ANKRD22: variants seen among roughly 807,000 people sequenced by gnomAD.
The protein encoded by ANKRD22 is ankyrin repeat domain 22.
ANKRD22 carries 24 observed loss-of-function variants against 25.7 expected under a neutral mutation model. The ratio of observed to expected loss-of-function variants is 0.93; its 90% CI spans 0.68 to 1.31. The LOEUF (loss-of-function observed/expected upper bound fraction) is 1.31. ANKRD22 is among the 50% of genes most tolerant of loss of function. The pLI is 0.00. For synonymous variants in ANKRD22, 84 were observed against 84.3 expected, an observed-to-expected ratio of 1.00 and a Z score of 0.02; for missense variants, 214 against 227.1, an observed-to-expected ratio of 0.94 and a Z score of 0.37.
At chr10:88,844,222 T>G (rs1051055263) in intron 1 of ANKRD22, among the ~76,000 whole-genome samples, 2 of 152,130 alleles carry the variant, frequency 1.3e-5, no homozygotes, top group African/African-American at 4.8e-5. Flanking sequence ...GTTCTAGGAA[T>G]AGCAGGAAGG....
At chr10:88,836,622 C>A (rs1843956283) in intron 1 of ANKRD22, among the ~76,000 whole-genome samples, 1 of 152,142 alleles carries the variant, frequency 6.6e-6, no homozygotes, top group African/African-American at 2.4e-5. Flanking sequence ...TTCAAAATGT[C>A]TTCTGGCTAC....
At position 88,826,087 on chromosome 10, in the gene ANKRD22, A is replaced by G. The variant is rs1406754759; in HGVS notation, c.350T>C (p.Leu117Pro). The change falls in exon 4 of 6, where the codon CTT becomes CCT. Residue 117 changes from leucine to proline, a missense_variant. Leu to Pro is a moderately conservative substitution (Grantham distance 98). Transcript: ENST00000371930. ...GCCAGCATCAAGTAGCATTCGTACAAGAGCCTCATTCTGCTTTGTCTTTGA... is the reference window on the plus strand; with the variant it reads ...GCCAGCATCAAGTAGCATTCGTACAGGAGCCTCATTCTGCTTTGTCTTTGA... ...MVSKTKQNEA[L>P]VRMLLDAGVE... 2 of 1,613,134 alleles carry G rather than the reference A, an allele frequency of 1.2e-6. No homozygotes were observed. Among genetic ancestry groups the G allele is most frequent in the South Asian group, 1.1e-5 (1 of 90,980 alleles).
chr10:88,849,448 T>G (rs1685817384), intron 1 of ANKRD22, among the ~76,000 whole-genome samples: 1 of 152,056 alleles, frequency 6.6e-6, no homozygotes, highest in African/African-American at 2.4e-5. Context: ...GTAGAAAAAT[T>G]TAGTAGTTCA....
At chr10:88,823,540 A>AT (rs1185746051) in intron 4 of ANKRD22, 162 bp from the exon 5 acceptor site, 54 of 613,392 alleles carry the variant, frequency 8.8e-5, no homozygotes, top group Non-Finnish European at 5.3e-5. Context: ...TACTTAAAAA[A>AT]TTTTTCGCCG....
chr10:88,822,889 T>C lies in ANKRD22; in HGVS notation c.*52A>G, dbSNP rs372162809. On this transcript the variant is annotated 3_prime_UTR_variant, in exon 6 of 6. Coordinates refer to ENST00000371930, the MANE Select transcript of ANKRD22 (RefSeq NM_144590.3). ...ACAGACCAAAAGTCTAAAATGAAGATAGAATCCAGTCGTTAACTTTTTCTG... is the reference window on the plus strand; with the variant it reads ...ACAGACCAAAAGTCTAAAATGAAGACAGAATCCAGTCGTTAACTTTTTCTG... The C allele has an allele frequency of 4.7e-5, 72 of 1,517,766 alleles. No homozygotes were observed. The African/African-American group carries it at 9.5e-4, about 20-fold the overall frequency. The allele number at this position is 1,517,766 out of a possible 1,614,324, so 94.0% of individuals were successfully genotyped here. A position where few individuals can be genotyped will look rare whatever the true frequency, so the allele number is the denominator to read the frequency against.
chr10:88,823,161 G>A, intron 5 of ANKRD22, 119 bp downstream of exon 5: 1 of 1,232,762 alleles, frequency 8.1e-7, no homozygotes, highest in Non-Finnish European at 1.2e-6. Context: ...ATTCCTTAAT[G>A]AGGATGATTA....
At chr10:88,836,925 A>G (rs533359255) in intron 1 of ANKRD22, among the ~76,000 whole-genome samples, 2 of 152,354 alleles carry the variant, frequency 1.3e-5, no homozygotes, top group African/African-American at 4.8e-5. Context: ...GCCAATTTTC[A>G]TACAGTGATG....
chr10:88,847,765 TAAA>T (rs199918993), intron 1 of ANKRD22, among the ~76,000 whole-genome samples: 1 of 148,524 alleles, frequency 6.7e-6, no homozygotes, highest in Non-Finnish European at 1.5e-5. Flanking sequence ...AAAAACAAAA[TAAA>T]AAAAAACCCC....
intron 1 of ANKRD22, among the ~76,000 whole-genome samples, chr10:88,839,150 T>C (rs1388102682): frequency 6.6e-6 from 1 of 152,192 alleles, no homozygotes; most frequent in Non-Finnish European, 1.5e-5. Flanking sequence ...ATGTGACCTA[T>C]ATGGCGGGCT....
intron 1 of ANKRD22, among the ~76,000 whole-genome samples, chr10:88,835,627 C>T (rs760225272): frequency 6.6e-5 from 10 of 152,124 alleles, no homozygotes; most frequent in Non-Finnish European, 1.2e-4. Flanking sequence ...AAAAATATAG[C>T]GTAAAAGATA....
In ANKRD22 at chr10:88,820,579, C is replaced by A; in HGVS notation, c.*2362G>T. On this transcript the variant is annotated 3_prime_UTR_variant, in exon 6 of 6. Coordinates refer to ENST00000371930, the MANE Select transcript of ANKRD22 (RefSeq NM_144590.3). ...CCCATGAAGGCAGAATTACGGAGAGCAGAGACCTAGTATACATTTTTCAGA... is the reference window on the plus strand; with the variant it reads ...CCCATGAAGGCAGAATTACGGAGAGAAGAGACCTAGTATACATTTTTCAGA... The A allele has an allele frequency of 7.4e-7, 1 of 1,350,144 alleles. No individual in the cohort carries two copies. Among genetic ancestry groups the A allele is most frequent in the South Asian group, 1.5e-5 (1 of 68,616 alleles). The allele number at this position is 1,350,144 out of a possible 1,614,324, so 83.6% of individuals were successfully genotyped here.
chr10:88,844,043 A>G (rs1405138890), intron 1 of ANKRD22, among the ~76,000 whole-genome samples: 1 of 152,160 alleles, frequency 6.6e-6, no homozygotes, highest in Non-Finnish European at 1.5e-5. Context: ...GAGAATACAT[A>G]AAGAATGACA....
Position 88,820,517 on chromosome 10 carries a change from C to G in ANKRD22, c.*2424G>C, listed in dbSNP as rs765943609. ...CGTATTGTGAAGCATCTGACACTGA[C>G]GATCTTAGGACAACCTCCTGAGGGA... On this transcript the variant is annotated 3_prime_UTR_variant, in exon 6 of 6. Coordinates refer to ENST00000371930, the MANE Select transcript of ANKRD22 (RefSeq NM_144590.3). The G allele has an allele frequency of 6.5e-7, 1 of 1,544,678 alleles. No homozygotes were observed. The highest frequency in any genetic ancestry group is 8.7e-7 in the Non-Finnish European group (1 of 1,144,734).
At position 88,820,560 on chromosome 10, in the gene ANKRD22, A is replaced by T. The variant is rs952696308; in HGVS notation, c.*2381T>A. 4 of 1,477,366 alleles carry T rather than the reference A, an allele frequency of 2.7e-6. No homozygotes were observed. Among genetic ancestry groups the T allele is most frequent in the Non-Finnish European group, 3.6e-6 (4 of 1,104,516 alleles). 91.5% of individuals were successfully genotyped at this position (1,477,366 alleles called of 1,614,324 possible). The stretch of plus-strand genomic sequence containing the variant: ...CTGAGGGATGGGGCTAGGACCCATG[A>T]AGGCAGAATTACGGAGAGCAGAGAC... On this transcript the variant is annotated 3_prime_UTR_variant, in exon 6 of 6. Coordinates refer to ENST00000371930, the MANE Select transcript of ANKRD22 (RefSeq NM_144590.3).
chr10:88,851,110 T>C (rs113061479), intron 1 of ANKRD22, among the ~76,000 whole-genome samples: 182 of 152,312 alleles, frequency 1.2e-3, no homozygotes, highest in Admixed American at 1.8e-3. Flanking sequence ...CTCTTCTTCA[T>C]AGTGATAGTC....
At chr10:88,850,022 G>A (rs117141081) in intron 1 of ANKRD22, among the ~76,000 whole-genome samples, 2,818 of 92,050 alleles carry the variant, frequency 0.031, 72 homozygotes, top group East Asian at 0.19. Context: ...TTTTTTTTTT[G>A]AATAGATTCT....
chr10:88,832,556 T>C (rs1482412955), intron 1 of ANKRD22, among the ~76,000 whole-genome samples: 1 of 151,506 alleles, frequency 6.6e-6, no homozygotes, highest in Non-Finnish European at 1.5e-5. Flanking sequence ...TCTTTATCTT[T>C]ACTAAAGATA....
chr10:88,820,510 A>G lies in ANKRD22; in HGVS notation c.*2431T>C. 6.5e-7 allele frequency: 1 copy of G among 1,547,452 alleles called. No individual in the cohort carries two copies. Among genetic ancestry groups the G allele is most frequent in the South Asian group, 1.2e-5 (1 of 83,762 alleles). On this transcript the variant is annotated 3_prime_UTR_variant, in exon 6 of 6. Transcript: ENST00000371930. ...GTGAGGCCGTATTGTGAAGCATCTG[A>G]CACTGACGATCTTAGGACAACCTCC...
chr10:88,831,727 A>G (rs1795190910), intron 2 of ANKRD22, 108 bp downstream of exon 2: 2 of 1,138,780 alleles, frequency 1.8e-6, no homozygotes, highest in Admixed American at 5.9e-5. Flanking sequence ...AATTGTTCGT[A>G]TTAGGAGCTG....
Sources: allele counts gnomAD v4.1 joint callset (sites outside exome capture counted in the v4.1 genomes callset), GRCh38; gene constraint gnomAD v4.1.1; transcripts MANE v1.5; gene names NCBI Gene and HGNC (gene_info 2026-07-23, HGNC 2026-07-21).